Variants in ZNF626 observed in about 807,000 individuals in gnomAD.
ZNF626 encodes zinc finger protein 626.
A neutral mutation model predicts 11.7 loss-of-function variants in ZNF626; 4 were observed. That is an observed-to-expected ratio of 0.34 (90% CI 0.17 to 0.78). The LOEUF (loss-of-function observed/expected upper bound fraction) is 0.78, where lower values mean the gene tolerates loss of function less well. Among genes scored for constraint, ZNF626 ranks in the 30% least tolerant of loss-of-function variants. ZNF626 has a pLI of 0.57. For missense variants in ZNF626, 588 were observed against 587.1 expected (o/e 1.00, Z -0.01); for synonymous variants, 179 against 198.6 (o/e 0.90, Z 0.83).
chr19:20,630,823 C>A (rs1969895959), intron 3 of ZNF626, among the ~76,000 whole-genome samples: 1 of 147,884 alleles, frequency 6.8e-6, no homozygotes, highest in South Asian at 2.2e-4. Flanking sequence ...CTTCTGCTAG[C>A]TTTTGAATGT....
At chr19:20,635,521 C>G (rs1969956698) in intron 3 of ZNF626, among the ~76,000 whole-genome samples, 1 of 152,074 alleles carries the variant, frequency 6.6e-6, no homozygotes, top group Non-Finnish European at 1.5e-5. Context: ...CAGGGTTTCA[C>G]CATGTTGGCC....
intron 3 of ZNF626, among the ~76,000 whole-genome samples, chr19:20,634,674 T>C (rs143400003): frequency 1.3e-5 from 2 of 152,262 alleles, no homozygotes; most frequent in Non-Finnish European, 1.5e-5. Flanking sequence ...AGGAGTAATA[T>C]TGTGAAGATG....
intron 3 of ZNF626, 53 bp downstream of exon 3, chr19:20,645,631 C>A: frequency 6.3e-7 from 1 of 1,584,856 alleles, no homozygotes; most frequent in Non-Finnish European, 8.6e-7. Context: ...TCTCTTTGAC[C>A]TTGGGACCCC....
intron 1 of ZNF626, among the ~76,000 whole-genome samples, chr19:20,654,739 T>C (rs1970187005): frequency 6.6e-6 from 1 of 152,060 alleles, no homozygotes; most frequent in South Asian, 2.1e-4. Context: ...ACATTTTATA[T>C]TTCAAAAGCA....
chr19:20,652,547 T>A (rs1970158538), intron 1 of ZNF626, among the ~76,000 whole-genome samples: 1 of 152,124 alleles, frequency 6.6e-6, no homozygotes, highest in South Asian at 2.1e-4. Flanking sequence ...ATCATTATAG[T>A]TTAGGGTATG....
At chr19:20,639,657 A>G (rs1970002621) in intron 3 of ZNF626, among the ~76,000 whole-genome samples, 1 of 152,200 alleles carries the variant, frequency 6.6e-6, no homozygotes, top group African/African-American at 2.4e-5. Context: ...GGATCACTTG[A>G]GCCCAGGAGG....
chr19:20,637,841 T>C (rs1247281918), intron 3 of ZNF626, among the ~76,000 whole-genome samples: 1 of 152,138 alleles, frequency 6.6e-6, no homozygotes, highest in Non-Finnish European at 1.5e-5. Flanking sequence ...TAAGCAATCA[T>C]TTTAAATATA....
At chr19:20,646,631 G>A (rs980010288) in intron 1 of ZNF626, among the ~76,000 whole-genome samples, 4 of 152,126 alleles carry the variant, frequency 2.6e-5, no homozygotes, top group Admixed American at 6.5e-5. Context: ...TATGTTTCTA[G>A]ATAATAAAGT....
At chr19:20,636,629 C>T (rs1969968303) in intron 3 of ZNF626, among the ~76,000 whole-genome samples, 2 of 151,090 alleles carry the variant, frequency 1.3e-5, no homozygotes, top group Non-Finnish European at 2.9e-5. Context: ...CAGTAATACT[C>T]GATTCAAAAT....
In ZNF626 at chr19:20,625,033, T is replaced by A. The variant is rs781858001; in HGVS notation, c.844A>T (p.Lys282Ter). ...CATTCTTCACATTTGTAGGGTTTCT[T>A]TTCCGTATGAATTATCTCATGTTTA... Reference protein sequence around the residue: ...LSKHEIIHTEKKPYKCEECGK... With the variant: ...LSKHEIIHTE Residue 282 changes from lysine to a stop codon, truncating the protein, a stop_gained, in exon 4 of 4, where the codon AAG (lysine) becomes TAG (stop). Coordinates refer to ENST00000601440, the MANE Select transcript of ZNF626 (RefSeq NM_001076675.3). LOFTEE classifies it low-confidence loss of function (END_TRUNC). 2 of 1,611,948 alleles carry A rather than the reference T, an allele frequency of 1.2e-6. No individual in the cohort carries two copies. The highest frequency in any genetic ancestry group is 2.2e-5 in the South Asian group (2 of 90,962).
chr19:20,633,133 C>T (rs573496138), intron 3 of ZNF626, among the ~76,000 whole-genome samples: 87 of 152,274 alleles, frequency 5.7e-4, no homozygotes, highest in African/African-American at 1.7e-3. Flanking sequence ...GCTGCCTGAT[C>T]GTTCCTCTGG....
In ZNF626 at chr19:20,624,246, T is replaced by C; in HGVS notation, c.*44A>G. 1 of 1,613,160 alleles carries C rather than the reference T, an allele frequency of 6.2e-7. No individual in the cohort carries two copies. Among genetic ancestry groups the C allele is most frequent in the Non-Finnish European group, 8.5e-7 (1 of 1,179,532 alleles). Reference sequence around the variant, plus strand: ...TAAGGTTAGAGAAATGCTTAAAAGCTTTGTCACATTCTTCACATTTGTAGA... The same window carrying C: ...TAAGGTTAGAGAAATGCTTAAAAGCCTTGTCACATTCTTCACATTTGTAGA... On this transcript the variant is annotated 3_prime_UTR_variant, in exon 4 of 4. Coordinates refer to ENST00000601440, the MANE Select transcript of ZNF626 (RefSeq NM_001076675.3).
intron 1 of ZNF626, among the ~76,000 whole-genome samples, chr19:20,652,728 A>G (rs1456706570): frequency 6.6e-6 from 1 of 152,166 alleles, no homozygotes; most frequent in Non-Finnish European, 1.5e-5. Context: ...TTTTCAGATA[A>G]AAGTTTTTTA....
intron 1 of ZNF626, among the ~76,000 whole-genome samples, chr19:20,659,621 A>G (rs1970242618): frequency 2.0e-5 from 3 of 151,656 alleles, no homozygotes; most frequent in Admixed American, 2.0e-4. Context: ...GCCATCTCCA[A>G]TGTAGGAGAA....
intron 1 of ZNF626, among the ~76,000 whole-genome samples, chr19:20,657,631 A>T (rs1159049031): frequency 6.6e-6 from 1 of 151,822 alleles, no homozygotes; most frequent in Non-Finnish European, 1.5e-5. Context: ...ACATGGAGAA[A>T]CCCCTCTCTA....
chr19:20,629,199 T>C (rs1969874673), intron 3 of ZNF626, among the ~76,000 whole-genome samples: 1 of 152,180 alleles, frequency 6.6e-6, no homozygotes, highest in South Asian at 2.1e-4. Flanking sequence ...TGTAGTATAG[T>C]TTGAAGTCAG....
chr19:20,627,670 T>C (rs911114106), intron 3 of ZNF626, among the ~76,000 whole-genome samples: 2 of 152,138 alleles, frequency 1.3e-5, no homozygotes, highest in Non-Finnish European at 2.9e-5. Flanking sequence ...TAAAAAATTT[T>C]AAAAATCAAG....
chr19:20,628,386 A>G (rs1356152026), intron 3 of ZNF626, among the ~76,000 whole-genome samples: 2 of 152,136 alleles, frequency 1.3e-5, no homozygotes, highest in African/African-American at 2.4e-5. Flanking sequence ...ACTAGTTTAC[A>G]GTCCCACCAA....
At chr19:20,647,346 T>C (rs1439590526) in intron 1 of ZNF626, among the ~76,000 whole-genome samples, 9 of 152,150 alleles carry the variant, frequency 5.9e-5, no homozygotes, top group African/African-American at 9.7e-5. Flanking sequence ...TGATGGTTTA[T>C]GCACATCAGC....
Sources: gnomAD v4.1 joint callset for allele counts (sites outside exome capture counted in the v4.1 genomes callset) on GRCh38, gnomAD v4.1.1 for gene constraint, MANE v1.5 for transcripts, NCBI Gene and HGNC (gene_info 2026-07-23, HGNC 2026-07-21) for gene names.